The following LMO1 variants were observed in gnomAD, a reference collection of about 807,000 sequenced individuals.
LMO1 encodes LIM domain only 1.
A neutral mutation model predicts 18.0 loss-of-function variants in LMO1; 10 were observed. The ratio of observed to expected loss-of-function variants is 0.55; its 90% CI spans 0.34 to 0.94. The LOEUF (loss-of-function observed/expected upper bound fraction) is 0.94. Ranked by LOEUF, LMO1 falls within the 40% of genes least tolerant of loss-of-function variation. The pLI, the probability that LMO1 is intolerant of heterozygous loss-of-function variation, is 0.02. For synonymous variants in LMO1, 77 were observed against 77.9 expected (o/e 0.99, Z 0.06); for missense variants, 183 against 205.7 (o/e 0.89, Z 0.68).
chr11:8,232,625 G>A (rs776101427), intron 1 of LMO1, among the ~76,000 whole-genome samples: 2 of 152,170 alleles, frequency 1.3e-5, no homozygotes, highest in African/African-American at 2.4e-5. Flanking sequence ...CCAGGCCCCC[G>A]CTACAGCCCC....
chr11:8,265,402 G>C (rs1847250607), upstream of LMO1, among the ~76,000 whole-genome samples: 1 of 152,162 alleles, frequency 6.6e-6, no homozygotes, highest in Admixed American at 6.5e-5. Context: ...TGCTTGACAG[G>C]GATGGGGAGC....
intron 1 of LMO1, among the ~76,000 whole-genome samples, chr11:8,247,575 G>A (rs561955184): frequency 1.7e-4 from 26 of 152,256 alleles, no homozygotes; most frequent in African/African-American, 5.1e-4. Context: ...TAGTCACAGC[G>A]GCTCAGGCCT....
At chr11:8,268,416 CG>C (rs1847283173), upstream of LMO1, 1 of 1,468,888 alleles carries the variant, frequency 6.8e-7, no homozygotes, top group Non-Finnish European at 9.0e-7. Flanking sequence ...CACCGGGCGC[CG>C]GGCACCTACC....
chr11:8,231,993 G>C lies in LMO1; in HGVS notation c.26-1489C>G, dbSNP rs373328513. On this transcript the variant is annotated intron_variant, in intron 1 of 3. Transcript: ENST00000335790. ...TCATACTACAGATGGGGAAATTGAGGCTCAGACAGTTACAGGGGCTTGAGT... is the reference window on the plus strand; with the variant it reads ...TCATACTACAGATGGGGAAATTGAGCCTCAGACAGTTACAGGGGCTTGAGT... Among the ~76,000 whole-genome samples the C allele has an allele frequency of 5.3e-5, 8 of 152,274 alleles. No homozygotes were observed. In the East Asian group the frequency reaches 1.2e-3, roughly 22 times the overall value.
At chr11:8,241,409 ACTGC>A (rs1846789260) in intron 1 of LMO1, among the ~76,000 whole-genome samples, 1 of 152,242 alleles carries the variant, frequency 6.6e-6, no homozygotes, top group African/African-American at 2.4e-5. Context: ...AGGGCAGGTC[ACTGC>A]TCAACTTGAA....
intron 1 of LMO1, among the ~76,000 whole-genome samples, chr11:8,241,278 C>T (rs139045697): frequency 3.9e-5 from 6 of 152,330 alleles, no homozygotes; most frequent in African/African-American, 1.4e-4. Context: ...CTCCTCATCC[C>T]ACCTGCATCT....
At chr11:8,251,776 GA>G (rs1236761694) in intron 1 of LMO1, among the ~76,000 whole-genome samples, 1 of 151,004 alleles carries the variant, frequency 6.6e-6, no homozygotes, top group African/African-American at 2.4e-5. Context: ...GGTGTGTGTG[GA>G]GGGGTGGAGG....
chr11:8,224,564 G>A lies in LMO1; in HGVS notation c.*52C>T, dbSNP rs1952499009. Reference sequence around the variant, plus strand: ...GAGTGGCTGGCTGGCCGGCCAGGCAGGTGGGCAGGCGGGCAGATGGACAGA... The same window carrying A: ...GAGTGGCTGGCTGGCCGGCCAGGCAAGTGGGCAGGCGGGCAGATGGACAGA... On this transcript the variant is annotated 3_prime_UTR_variant, in exon 4 of 4. Transcript: ENST00000335790. 7 of 1,178,350 alleles carry A rather than the reference G, an allele frequency of 5.9e-6. No homozygotes were observed. The South Asian group carries it at 9.2e-5, about 15-fold the overall frequency. The allele number at this position is 1,178,350 out of a possible 1,614,324, so 73.0% of individuals were successfully genotyped here. A position where few individuals can be genotyped will look rare whatever the true frequency, so the allele number is the denominator to read the frequency against.
rs530882432 is a variant in LMO1 at position 8,241,647 on chromosome 11, T to G, written c.26-11143A>C. 3.3e-5 allele frequency among the ~76,000 whole-genome samples: 5 copies of G among 152,358 alleles called. No individual in the cohort carries two copies. In the East Asian group the frequency reaches 9.6e-4, roughly 29 times the overall value. On this transcript the variant is annotated intron_variant, in intron 1 of 3. Transcript: ENST00000335790. The stretch of plus-strand genomic sequence containing the variant: ...ACTTGGCTCCTTCTCATCTTCAAGC[T>G]TCAGCTTAAATGTCATCTCCTCAGA...
chr11:8,259,226 T>TC (rs771686051), intron 1 of LMO1, among the ~76,000 whole-genome samples: 77 of 152,128 alleles, frequency 5.1e-4, no homozygotes, highest in Non-Finnish European at 8.8e-4. Context: ...TGTTTCCCTG[T>TC]CCCCCCTTAG....
At chr11:8,248,000 T>C (rs1301145373) in intron 1 of LMO1, among the ~76,000 whole-genome samples, 1 of 151,488 alleles carries the variant, frequency 6.6e-6, no homozygotes, top group Non-Finnish European at 1.5e-5. Flanking sequence ...ATTTGAGTTC[T>C]GTGCAGGGGG....
intron 1 of LMO1, among the ~76,000 whole-genome samples, chr11:8,260,662 A>G (rs569271665): frequency 6.6e-6 from 1 of 152,270 alleles, no homozygotes; most frequent in East Asian, 1.9e-4. Flanking sequence ...ATATTTTATT[A>G]TCTTTCAGAA....
intron 1 of LMO1, among the ~76,000 whole-genome samples, chr11:8,240,200 G>C (rs1387638998): frequency 2.0e-5 from 3 of 152,260 alleles, no homozygotes; most frequent in Non-Finnish European, 4.4e-5. Flanking sequence ...GTCAGGGAAA[G>C]GTTGGGCTGC....
chr11:8,247,238 C>T (rs565536301), intron 1 of LMO1, among the ~76,000 whole-genome samples: 1 of 152,332 alleles, frequency 6.6e-6, no homozygotes, highest in East Asian at 1.9e-4. Flanking sequence ...CATAATGCTA[C>T]ATGCATAATG....
intron 1 of LMO1, among the ~76,000 whole-genome samples, chr11:8,241,367 C>A (rs1368032198): frequency 6.6e-6 from 1 of 152,248 alleles, no homozygotes; most frequent in Non-Finnish European, 1.5e-5. Flanking sequence ...CAATTCTTCA[C>A]ACGGCAGCTG....
At chr11:8,246,836 G>T (rs931310151) in intron 1 of LMO1, among the ~76,000 whole-genome samples, 3 of 152,092 alleles carry the variant, frequency 2.0e-5, no homozygotes, top group Non-Finnish European at 4.4e-5. Context: ...GCTGCCAGGT[G>T]GGGGGACCTG....
At chr11:8,233,830 GAA>G (rs1952714880) in intron 1 of LMO1, among the ~76,000 whole-genome samples, 1 of 152,074 alleles carries the variant, frequency 6.6e-6, no homozygotes, top group African/African-American at 2.4e-5. Flanking sequence ...TCCCTTTGCT[GAA>G]GTCCATTTGG....
intron 1 of LMO1, among the ~76,000 whole-genome samples, chr11:8,245,157 T>C (rs530092204): frequency 2.6e-5 from 4 of 152,256 alleles, no homozygotes; most frequent in African/African-American, 9.6e-5. Context: ...TTATCTAAAG[T>C]CACACAGCTC....
chr11:8,232,767 G>A (rs758751952), intron 1 of LMO1, among the ~76,000 whole-genome samples: 19 of 152,142 alleles, frequency 1.2e-4, no homozygotes, highest in African/African-American at 2.2e-4. Flanking sequence ...TGGAACCTCC[G>A]TACTCAGGGG....
Sources: allele counts gnomAD v4.1 joint callset (sites outside exome capture counted in the v4.1 genomes callset), GRCh38; gene constraint gnomAD v4.1.1; transcripts MANE v1.5; gene names NCBI Gene and HGNC (gene_info 2026-07-23, HGNC 2026-07-21).